Variants in DDX10 observed in about 807,000 individuals in gnomAD.
DDX10 encodes the protein probable ATP-dependent RNA helicase DDX10.
In DDX10, 74 loss-of-function variants were observed where a neutral mutation model predicts 104.3. The ratio of observed to expected loss-of-function variants is 0.71; its 90% CI spans 0.59 to 0.86. The LOEUF is 0.86. Ranked by LOEUF, DDX10 falls within the 40% of genes least tolerant of loss-of-function variation. DDX10 has a pLI of 0.00. For synonymous variants in DDX10, 351 were observed against 353.4 expected (o/e 0.99, Z 0.08); for missense variants, 952 against 1,040.0 (o/e 0.92, Z 1.16).
intron 13 of DDX10, chr11:108,727,846 G>A: frequency 4.9e-6 from 1 of 203,130 alleles, no homozygotes. Flanking sequence ...TCCTAGAAAG[G>A]ACACATAGAA....
intron 16 of DDX10, among the ~76,000 whole-genome samples, chr11:108,896,803 A>G (rs565773457): frequency 1.3e-5 from 2 of 152,226 alleles, no homozygotes; most frequent in South Asian, 4.2e-4. Context: ...TAATCCTTAC[A>G]TGATAGTGAC....
chr11:108,794,117 G>A (rs1861907653), intron 13 of DDX10, among the ~76,000 whole-genome samples: 1 of 151,960 alleles, frequency 6.6e-6, no homozygotes, highest in Non-Finnish European at 1.5e-5. Flanking sequence ...CTCTGCTATT[G>A]TGAATAGTGC....
At chr11:108,844,902 A>G (rs71489925) in intron 15 of DDX10, among the ~76,000 whole-genome samples, 19,212 of 152,134 alleles carry the variant, frequency 0.13, 1,433 homozygotes, top group East Asian at 0.25. Context: ...ACTTGATGAA[A>G]AGAGTTTCTT....
At chr11:108,747,735 T>G (rs562614914) in intron 13 of DDX10, among the ~76,000 whole-genome samples, 80 of 152,242 alleles carry the variant, frequency 5.3e-4, no homozygotes, top group African/African-American at 1.8e-3. Flanking sequence ...CTCAAATCCA[T>G]CCTCCAACAT....
chr11:108,822,428 T>A, intron 13 of DDX10: 1 of 390,930 alleles, frequency 2.6e-6, no homozygotes, highest in South Asian at 2.1e-5. Context: ...CCAGGGATGT[T>A]CTTCTTGGGA....
At chr11:108,893,899 A>G (rs1032377930) in intron 16 of DDX10, among the ~76,000 whole-genome samples, 2 of 152,070 alleles carry the variant, frequency 1.3e-5, no homozygotes, top group Non-Finnish European at 2.9e-5. Context: ...TATGATTCCC[A>G]AGTATTCATC....
chr11:108,916,379 C>A (rs186908115), intron 16 of DDX10, among the ~76,000 whole-genome samples: 6 of 152,138 alleles, frequency 3.9e-5, no homozygotes, highest in African/African-American at 1.4e-4. Flanking sequence ...CCCCCCTCCC[C>A]CCAACTCAAT....
At chr11:108,693,668 C>A in intron 9 of DDX10, 68 bp downstream of exon 9, 1 of 1,238,104 alleles carries the variant, frequency 8.1e-7, no homozygotes, top group Non-Finnish European at 1.2e-6. Flanking sequence ...TTTCCAACTG[C>A]AGATAAACGA....
chr11:108,859,117 A>G (rs752244517), intron 16 of DDX10, among the ~76,000 whole-genome samples: 1 of 152,204 alleles, frequency 6.6e-6, no homozygotes, highest in Non-Finnish European at 1.5e-5. Context: ...ACTCAGATCC[A>G]GGTCGGATTG....
intron 11 of DDX10, among the ~76,000 whole-genome samples, chr11:108,717,865 A>G (rs1281482639): frequency 6.6e-6 from 1 of 152,120 alleles, no homozygotes; most frequent in East Asian, 1.9e-4. Flanking sequence ...AAAATTAAAA[A>G]ATGTCTTGGA....
At chr11:108,928,255 G>T (rs1863933197) in intron 17 of DDX10, among the ~76,000 whole-genome samples, 1 of 152,140 alleles carries the variant, frequency 6.6e-6, no homozygotes, top group African/African-American at 2.4e-5. Context: ...CTCGCTACAT[G>T]GAATAATATA....
At chr11:108,897,975 G>C (rs2134645713) in intron 16 of DDX10, among the ~76,000 whole-genome samples, 1 of 152,132 alleles carries the variant, frequency 6.6e-6, no homozygotes, top group Admixed American at 6.5e-5. Context: ...TACCGTATAA[G>C]CAAAAGCTGT....
intron 16 of DDX10, among the ~76,000 whole-genome samples, chr11:108,860,233 A>G (rs1430463460): frequency 3.3e-5 from 5 of 152,224 alleles, no homozygotes; most frequent in African/African-American, 1.2e-4. Flanking sequence ...CCATACATAT[A>G]TATTATCATA....
chr11:108,877,952 T>C (rs923642784), intron 16 of DDX10, among the ~76,000 whole-genome samples: 1 of 152,244 alleles, frequency 6.6e-6, no homozygotes, highest in African/African-American at 2.4e-5. Flanking sequence ...AATGTGTCTT[T>C]TTCCTTTTCT....
chr11:108,677,756 C>T (rs2094227844), intron 4 of DDX10, among the ~76,000 whole-genome samples: 1 of 150,302 alleles, frequency 6.7e-6, no homozygotes, highest in African/African-American at 2.5e-5. Flanking sequence ...ATAAATACTT[C>T]AATTTTTATG....
At chr11:108,752,380 C>T (rs1246040249) in intron 13 of DDX10, among the ~76,000 whole-genome samples, 2 of 152,070 alleles carry the variant, frequency 1.3e-5, no homozygotes, top group East Asian at 1.9e-4. Context: ...TTTTGGTGTT[C>T]TTTTCACTTT....
intron 16 of DDX10, among the ~76,000 whole-genome samples, chr11:108,916,671 A>G (rs1863754789): frequency 6.6e-6 from 1 of 152,208 alleles, no homozygotes; most frequent in South Asian, 2.1e-4. Flanking sequence ...TAACTGAAAG[A>G]AACTGAAATT....
At chr11:108,937,145 T>G (rs17108757) in intron 17 of DDX10, among the ~76,000 whole-genome samples, 5,609 of 152,212 alleles carry the variant, frequency 0.037, 391 homozygotes, top group African/African-American at 0.13. Context: ...AGGTGCCACA[T>G]TTACAGCAAA....
At chr11:108,837,991 G>A (rs1222179629) in intron 13 of DDX10, among the ~76,000 whole-genome samples, 1 of 152,060 alleles carries the variant, frequency 6.6e-6, no homozygotes, top group Non-Finnish European at 1.5e-5. Flanking sequence ...ATTGGAAGAG[G>A]AATGTTGCAA....
Sources: gnomAD v4.1 joint callset for allele counts (sites outside exome capture counted in the v4.1 genomes callset) on GRCh38, gnomAD v4.1.1 for gene constraint, MANE v1.5 for transcripts, NCBI Gene and HGNC (gene_info 2026-07-23, HGNC 2026-07-21) for gene names.